ADAMTS17: variants seen among roughly 807,000 people sequenced by gnomAD.
ADAMTS17 encodes ADAM metallopeptidase with thrombospondin type 1 motif 17, also known as A disintegrin and metalloproteinase with thrombospondin motifs 17.
A neutral mutation model predicts 141.5 loss-of-function variants in ADAMTS17; 113 were observed. The ratio of observed to expected loss-of-function variants is 0.80; its 90% CI spans 0.69 to 0.93. The LOEUF (loss-of-function observed/expected upper bound fraction) is 0.93. Ranked by LOEUF, ADAMTS17 falls within the 40% of genes least tolerant of loss-of-function variation. The pLI is 0.00. For missense variants in ADAMTS17, 1,659 were observed against 1,517.9 expected, an observed-to-expected ratio of 1.09 and a Z score of -1.54; for synonymous variants, 768 against 630.6, an observed-to-expected ratio of 1.22 and a Z score of -3.27.
At chr15:100,009,960 A>G (rs1483032596) in intron 18 of ADAMTS17, among the ~76,000 whole-genome samples, 1 of 152,196 alleles carries the variant, frequency 6.6e-6, no homozygotes, top group African/African-American at 2.4e-5. Context: ...AGCTCCTATA[A>G]TTCCCATGTG....
intron 2 of ADAMTS17, among the ~76,000 whole-genome samples, chr15:100,340,798 G>A (rs1416432456): frequency 1.3e-5 from 2 of 152,078 alleles, no homozygotes; most frequent in Non-Finnish European, 2.9e-5. Flanking sequence ...CCCCAGCTCC[G>A]CGCGGGTTCC....
chr15:100,241,121 G>A (rs958340192), intron 7 of ADAMTS17, among the ~76,000 whole-genome samples: 2 of 151,500 alleles, frequency 1.3e-5, no homozygotes, highest in Non-Finnish European at 2.9e-5. Flanking sequence ...CCTACACCTG[G>A]CCTATCTGGC....
intron 7 of ADAMTS17, among the ~76,000 whole-genome samples, chr15:100,240,503 C>T (rs147956458): frequency 1.3e-3 from 203 of 152,290 alleles, no homozygotes; most frequent in Non-Finnish European, 2.6e-3. Context: ...TGTAAAGGTG[C>T]TCCCCCCTCA....
At chr15:100,319,222 G>A (rs533394828) in intron 3 of ADAMTS17, among the ~76,000 whole-genome samples, 1 of 152,380 alleles carries the variant, frequency 6.6e-6, no homozygotes, top group Admixed American at 6.5e-5. Context: ...GCAAAGGACA[G>A]TGTCCTGTAA....
At chr15:100,216,717 T>G (rs182541135) in intron 7 of ADAMTS17, among the ~76,000 whole-genome samples, 1 of 152,336 alleles carries the variant, frequency 6.6e-6, no homozygotes, top group East Asian at 1.9e-4. Context: ...CAGAGGCCTA[T>G]GGCGCCCACC....
intron 15 of ADAMTS17, among the ~76,000 whole-genome samples, chr15:100,079,640 G>T (rs1489323525): frequency 6.6e-6 from 1 of 152,188 alleles, no homozygotes; most frequent in East Asian, 1.9e-4. Flanking sequence ...GCAACCTGGT[G>T]GCAAGTTGAT....
At chr15:100,121,632 C>T (rs1466223757) in intron 12 of ADAMTS17, among the ~76,000 whole-genome samples, 1 of 152,036 alleles carries the variant, frequency 6.6e-6, no homozygotes, top group African/African-American at 2.4e-5. Flanking sequence ...TTAACACATT[C>T]CCAGATAAAC....
intron 7 of ADAMTS17, among the ~76,000 whole-genome samples, chr15:100,216,495 G>A (rs1328732161): frequency 6.6e-6 from 1 of 152,188 alleles, no homozygotes; most frequent in African/African-American, 2.4e-5. Flanking sequence ...CTCTTTATCT[G>A]CGCTGGGGGC....
At chr15:100,054,688 C>G (rs1455124155) in intron 15 of ADAMTS17, among the ~76,000 whole-genome samples, 4 of 152,166 alleles carry the variant, frequency 2.6e-5, no homozygotes, top group Admixed American at 2.0e-4. Flanking sequence ...CAGCTGTGGA[C>G]GAGCAGTGGT....
At chr15:100,024,193 AGCAATT>A in intron 18 of ADAMTS17, among the ~76,000 whole-genome samples, 1 of 152,276 alleles carries the variant, frequency 6.6e-6, no homozygotes, top group Admixed American at 6.5e-5. Flanking sequence ...CCTGGGCTCA[AGCAATT>A]CTCCTGCGTC....
chr15:100,110,277 T>A (rs916779496), intron 13 of ADAMTS17, among the ~76,000 whole-genome samples: 20 of 137,692 alleles, frequency 1.5e-4, no homozygotes, highest in Non-Finnish European at 2.2e-4. Flanking sequence ...ATATATATAT[T>A]TTTTTGAGAC....
At chr15:100,184,326 G>A (rs61650904) in intron 8 of ADAMTS17, among the ~76,000 whole-genome samples, 1 of 152,128 alleles carries the variant, frequency 6.6e-6, no homozygotes, top group Non-Finnish European at 1.5e-5. Context: ...GCCCCAATCG[G>A]TGTATGTGGG....
At chr15:100,038,270 G>C (rs904779133) in intron 18 of ADAMTS17, among the ~76,000 whole-genome samples, 2 of 152,206 alleles carry the variant, frequency 1.3e-5, no homozygotes, top group African/African-American at 4.8e-5. Context: ...GATCACTATA[G>C]TTTACAGTAA....
chr15:100,170,828 CA>C (rs1360837133), intron 8 of ADAMTS17, among the ~76,000 whole-genome samples: 2 of 152,208 alleles, frequency 1.3e-5, no homozygotes, highest in African/African-American at 4.8e-5. Context: ...TTTCTACTGA[CA>C]ATTTTGACTG....
At chr15:100,284,314 C>T (rs958201146) in intron 3 of ADAMTS17, among the ~76,000 whole-genome samples, 1 of 152,180 alleles carries the variant, frequency 6.6e-6, no homozygotes, top group African/African-American at 2.4e-5. Context: ...GTGGTTTTCA[C>T]AAGCTTCCAC....
intron 3 of ADAMTS17, among the ~76,000 whole-genome samples, chr15:100,308,514 T>A (rs538134350): frequency 9.8e-5 from 15 of 152,324 alleles, no homozygotes; most frequent in Middle Eastern, 3.4e-3. Flanking sequence ...ACAGCTTCCT[T>A]TTTTTGCTAT....
intron 15 of ADAMTS17, among the ~76,000 whole-genome samples, chr15:100,067,706 G>T (rs2033642001): frequency 6.6e-6 from 1 of 151,920 alleles, no homozygotes; most frequent in Non-Finnish European, 1.5e-5. Context: ...CAATCCCTTG[G>T]ATTGTTTCCT....
chr15:100,327,715 G>GTACC (rs2045939033), intron 3 of ADAMTS17, among the ~76,000 whole-genome samples: 1 of 152,148 alleles, frequency 6.6e-6, no homozygotes, highest in African/African-American at 2.4e-5. Context: ...AATATCCAAG[G>GTACC]TACCATTTTA....
chr15:100,332,794 C>G (rs1448320424), intron 2 of ADAMTS17, among the ~76,000 whole-genome samples: 1 of 152,180 alleles, frequency 6.6e-6, no homozygotes, highest in Admixed American at 6.5e-5. Context: ...AAGAAAACAG[C>G]AATGCTGGGG....
Sources: allele counts gnomAD v4.1 joint callset (sites outside exome capture counted in the v4.1 genomes callset), GRCh38; gene constraint gnomAD v4.1.1; transcripts MANE v1.5; gene names NCBI Gene and HGNC (gene_info 2026-07-23, HGNC 2026-07-21).